CHID1: variants seen among roughly 807,000 people sequenced by gnomAD.
The protein encoded by CHID1 is chitinase domain-containing protein 1.
Under a neutral mutation model 55.4 loss-of-function variants are expected in CHID1, and 44 were observed. The ratio of observed to expected loss-of-function variants is 0.79; its 90% CI spans 0.62 to 1.02. The LOEUF is 1.02. CHID1 is among the 50% of genes least tolerant of loss of function. The pLI, the probability that CHID1 is intolerant of heterozygous loss-of-function variation, is 0.00. For synonymous variants in CHID1, 216 were observed against 212.9 expected (o/e 1.01, Z -0.13); for missense variants, 491 against 515.3 (o/e 0.95, Z 0.46).
intron 8 of CHID1, among the ~76,000 whole-genome samples, chr11:892,203 G>T (rs754845650): frequency 6.6e-6 from 1 of 152,356 alleles, no homozygotes; most frequent in East Asian, 1.9e-4. Context: ...ACTTGGGCCC[G>T]TTATTGCCGG....
chr11:880,186 G>A (rs945355031), intron 10 of CHID1, among the ~76,000 whole-genome samples: 12 of 152,352 alleles, frequency 7.9e-5, no homozygotes, highest in African/African-American at 2.4e-4. Context: ...TCGCCTGTGC[G>A]GAGCCCCGCG....
chr11:910,591 C>T lies in CHID1; in HGVS notation c.-44+184G>A. On this transcript the variant is annotated intron_variant, in intron 1 of 12. Transcript: ENST00000323578. ...CATAGCAACCCTCTCTCACCCTCGT[C>T]CTCACACCCTCTCACACGCCCCCTC... is the stretch of plus-strand genomic sequence containing the variant. The T allele has an allele frequency of 5.7e-6, 7 of 1,227,932 alleles. No individual in the cohort carries two copies. In the South Asian group the frequency reaches 6.7e-5, roughly 12 times the overall value. 76.1% of individuals were successfully genotyped at this position (1,227,932 alleles called of 1,614,324 possible). A position where few individuals can be genotyped will look rare whatever the true frequency, so the allele number is the denominator to read the frequency against.
At chr11:902,842 G>A in intron 3 of CHID1, 120 bp downstream of exon 3, 1 of 932,356 alleles carries the variant, frequency 1.1e-6, no homozygotes, top group Non-Finnish European at 1.6e-6. Flanking sequence ...AGCAGCAGCA[G>A]CTCCGGGAGA....
At chr11:876,217 T>C (rs927364604) in intron 10 of CHID1, among the ~76,000 whole-genome samples, 1 of 151,998 alleles carries the variant, frequency 6.6e-6, no homozygotes, top group African/African-American at 2.4e-5. Flanking sequence ...CTAGAACAGA[T>C]AGGGAGGACC....
chr11:885,109 TG>T (rs1345600370), intron 8 of CHID1, among the ~76,000 whole-genome samples: 1 of 152,194 alleles, frequency 6.6e-6, no homozygotes, highest in African/African-American at 2.4e-5. Context: ...CAGCATGCAC[TG>T]AAGTGAGGGG....
At chr11:877,898 G>C (rs1395742134) in intron 10 of CHID1, among the ~76,000 whole-genome samples, 1 of 152,200 alleles carries the variant, frequency 6.6e-6, no homozygotes, top group Non-Finnish European at 1.5e-5. Flanking sequence ...TGAGGGCTCC[G>C]CCCTGGTGAA....
At chr11:898,759 T>C (rs1045397571) in intron 7 of CHID1, among the ~76,000 whole-genome samples, 2 of 151,786 alleles carry the variant, frequency 1.3e-5, no homozygotes, top group African/African-American at 4.8e-5. Flanking sequence ...CCACAGGGAG[T>C]GGGAACCCGC....
At chr11:910,979 G>A, upstream of CHID1, 1 of 213,384 alleles carries the variant, frequency 4.7e-6, no homozygotes, top group Non-Finnish European at 8.0e-6. Context: ...GGGCCGCGCC[G>A]GGGGCGGACC....
At chr11:914,523 C>T (rs1852846102), upstream of CHID1, 7 of 1,289,028 alleles carry the variant, frequency 5.4e-6, no homozygotes, top group Non-Finnish European at 7.1e-6. Context: ...CATGCCTTAC[C>T]TGGGATATTC....
chr11:913,632 G>T (rs1049799420), upstream of CHID1, among the ~76,000 whole-genome samples: 2 of 151,824 alleles, frequency 1.3e-5, no homozygotes, highest in Non-Finnish European at 2.9e-5. Context: ...AAGTAGCCGG[G>T]CTTGGTGATA....
intron 10 of CHID1, 68 bp from the exon 11 acceptor site, chr11:870,567 A>C: frequency 8.5e-7 from 1 of 1,177,308 alleles, no homozygotes; most frequent in Non-Finnish European, 1.2e-6. Flanking sequence ...TGTACCCCCA[A>C]AGGCTGTGGC....
intron 4 of CHID1, among the ~76,000 whole-genome samples, chr11:901,919 TCA>T (rs1160973313): frequency 1.1e-4 from 2 of 18,440 alleles, no homozygotes; most frequent in Non-Finnish European, 2.3e-4. Context: ...GGCGTGGTTC[TCA>T]CAGTCACCAC....
chr11:874,568 C>T (rs185294533), intron 10 of CHID1, among the ~76,000 whole-genome samples: 84 of 152,326 alleles, frequency 5.5e-4, no homozygotes, highest in African/African-American at 2.0e-3. Context: ...GATCCTCCCG[C>T]CTCAGCCTCC....
chr11:895,907 C>T (rs922839464), intron 7 of CHID1, among the ~76,000 whole-genome samples: 3 of 151,972 alleles, frequency 2.0e-5, no homozygotes, highest in Non-Finnish European at 4.4e-5. Context: ...CCCACCTTCC[C>T]GCAGCTCCCC....
upstream of CHID1, among the ~76,000 whole-genome samples, chr11:913,150 C>CT (rs1363863319): frequency 6.6e-6 from 1 of 150,392 alleles, no homozygotes; most frequent in Non-Finnish European, 1.5e-5. Flanking sequence ...TGCCCCCCCC[C>CT]GCAAAAAAAA....
chr11:902,402 T>C, intron 3 of CHID1, 72 bp from the exon 4 acceptor site: 1 of 1,559,316 alleles, frequency 6.4e-7, no homozygotes, highest in Non-Finnish European at 8.8e-7. Flanking sequence ...GCTGTCATTC[T>C]GGCGCCTCTG....
chr11:884,174 AAC>A lies in CHID1; in HGVS notation c.702-7_702-6del, dbSNP rs1410197546. ...AACATGCCCAGCTGGTCGGTCCTGT[AAC>A]AGACAGGTGCAGCCACCTCAGGCTG... On this transcript the variant is annotated splice_polypyrimidine_tract_variant and splice_region_variant and intron_variant, in intron 8 of 12. Coordinates refer to ENST00000323578, the MANE Select transcript of CHID1 (RefSeq NM_023947.4). 1 of 1,612,876 alleles carries A rather than the reference AAC, an allele frequency of 6.2e-7. No homozygotes were observed. The highest frequency in any genetic ancestry group is 1.7e-5 in the Admixed American group (1 of 59,992).
chr11:870,087 C>G (rs376509515), intron 12 of CHID1, 34 bp downstream of exon 12: 6 of 1,612,090 alleles, frequency 3.7e-6, no homozygotes, highest in Non-Finnish European at 5.1e-6. Context: ...ATGGCCCACC[C>G]CTCCCCCGGT....
chr11:883,943 G>C, intron 9 of CHID1, 125 bp downstream of exon 9: 1 of 752,968 alleles, frequency 1.3e-6, no homozygotes. Flanking sequence ...AGACTCAGCA[G>C]GTGACCTTGT....
Sources: allele counts gnomAD v4.1 joint callset (sites outside exome capture counted in the v4.1 genomes callset), GRCh38; gene constraint gnomAD v4.1.1; transcripts MANE v1.5; gene names NCBI Gene and HGNC (gene_info 2026-07-23, HGNC 2026-07-21).